HMOX2: variants seen among roughly 807,000 people sequenced by gnomAD.
HMOX2 encodes heme oxygenase (decycling) 2.
HMOX2 carries 30 observed loss-of-function variants against 33.7 expected under a neutral mutation model. The observed-to-expected ratio is 0.89, with a 90% confidence interval of 0.67 to 1.21. The LOEUF is 1.21. Ranked by LOEUF, HMOX2 falls within the 50% of genes most tolerant of loss-of-function variation. HMOX2 has a pLI of 0.00. For synonymous variants in HMOX2, 155 were observed against 155.0 expected, an observed-to-expected ratio of 1.00 and a Z score of 0.00; for missense variants, 403 against 399.1, an observed-to-expected ratio of 1.01 and a Z score of -0.08.
chr16:4,482,226 T>C (rs2058049446), intron 1 of HMOX2, among the ~76,000 whole-genome samples: 1 of 152,304 alleles, frequency 6.6e-6, no homozygotes, highest in Non-Finnish European at 1.5e-5. Context: ...AGACTTTTTG[T>C]GTTTATAAAA....
chr16:4,490,740 A>G (rs1213467314), intron 1 of HMOX2, among the ~76,000 whole-genome samples: 1 of 152,304 alleles, frequency 6.6e-6, no homozygotes, highest in South Asian at 2.1e-4. Context: ...AGAAATCTAT[A>G]TAAGGGATAT....
chr16:4,507,106 G>A (rs2058713427), intron 3 of HMOX2, 94 bp downstream of exon 3: 2 of 793,882 alleles, frequency 2.5e-6, no homozygotes, highest in East Asian at 4.9e-5. Flanking sequence ...CACTCTGAGG[G>A]AAAAGCTGGG....
intron 4 of HMOX2, among the ~76,000 whole-genome samples, 173 bp from the exon 5 acceptor site, chr16:4,509,239 A>T (rs1567405970): frequency 6.6e-6 from 1 of 152,116 alleles, no homozygotes; most frequent in Non-Finnish European, 1.5e-5. Context: ...ACGTAGGAGG[A>T]TAAGGTGGGA....
At chr16:4,509,172 G>A (rs768078961) in intron 4 of HMOX2, among the ~76,000 whole-genome samples, 8 of 152,128 alleles carry the variant, frequency 5.3e-5, no homozygotes, top group Non-Finnish European at 1.0e-4. Context: ...GGGCAACCAA[G>A]GTGAGACACC....
At chr16:4,497,243 C>T (rs1373238994) in intron 1 of HMOX2, among the ~76,000 whole-genome samples, 1 of 152,178 alleles carries the variant, frequency 6.6e-6, no homozygotes, top group African/African-American at 2.4e-5. Flanking sequence ...ACGACACCTG[C>T]TTTCAAGGTT....
In HMOX2 at chr16:4,507,968, T is replaced by C; in HGVS notation, c.460T>C (p.Tyr154His). 2.5e-6 allele frequency: 4 copies of C among 1,613,346 alleles called. No homozygotes were observed. Among genetic ancestry groups the C allele is most frequent in the South Asian group, 2.2e-5 (2 of 91,042 alleles). Residue 154 changes from tyrosine (Y) to histidine (H), a missense_variant, in exon 4 of 6, where the codon TAC (tyrosine) becomes CAC (histidine). Physicochemically the swap from Tyr to His is moderately conservative, Grantham distance 83. Coordinates refer to ENST00000570646, the MANE Select transcript of HMOX2 (RefSeq NM_002134.4). ...GCCGGAGCTACTGGTGGCCCATGCA[T>C]ACACCCGCTACATGGGGGATCTCTC... ...NEPELLVAHA[Y>H]TRYMGDLSGG...
chr16:4,477,196 C>T (rs2057879258), intron 1 of HMOX2, among the ~76,000 whole-genome samples: 1 of 152,104 alleles, frequency 6.6e-6, no homozygotes, highest in African/African-American at 2.4e-5. Flanking sequence ...CTGCCTGTGT[C>T]ATGCCATTTA....
chr16:4,508,346 G>A, intron 4 of HMOX2, 142 bp downstream of exon 4: 1 of 927,976 alleles, frequency 1.1e-6, no homozygotes, highest in Admixed American at 2.7e-5. Flanking sequence ...CCACCAGATT[G>A]GCCACCAGAG....
intron 1 of HMOX2, among the ~76,000 whole-genome samples, chr16:4,492,970 G>A (rs1040568263): frequency 6.6e-6 from 1 of 152,048 alleles, no homozygotes; most frequent in Non-Finnish European, 1.5e-5. Flanking sequence ...CCAGGAGTGG[G>A]GAGAAAAAGG....
chr16:4,479,860 T>C (rs1331731268), intron 1 of HMOX2, among the ~76,000 whole-genome samples: 1 of 149,310 alleles, frequency 6.7e-6, no homozygotes, highest in Non-Finnish European at 1.5e-5. Flanking sequence ...AGCCTCAGTC[T>C]CCTGAGTAGC....
At chr16:4,475,060 T>C, upstream of HMOX2, among the ~76,000 whole-genome samples, 1 of 152,120 alleles carries the variant, frequency 6.6e-6, no homozygotes, top group East Asian at 1.9e-4. Flanking sequence ...CAAGAGATTC[T>C]CCTGCCTCAG....
At chr16:4,474,841 T>C (rs2057770186), upstream of HMOX2, 1 of 152,256 alleles carries the variant, frequency 6.6e-6, no homozygotes, top group Non-Finnish European at 1.5e-5. Context: ...AACATCTTAA[T>C]TTTCAGGTAT....
chr16:4,477,839 T>G (rs1487125950), intron 1 of HMOX2, among the ~76,000 whole-genome samples: 1 of 152,158 alleles, frequency 6.6e-6, no homozygotes, highest in Non-Finnish European at 1.5e-5. Flanking sequence ...GAGGATCACT[T>G]GAGCCCACGA....
At chr16:4,504,968 C>T (rs1217861510) in intron 1 of HMOX2, among the ~76,000 whole-genome samples, 1 of 152,162 alleles carries the variant, frequency 6.6e-6, no homozygotes, top group Non-Finnish European at 1.5e-5. Context: ...AGCCACTGTG[C>T]CCTGCCTTGA....
At chr16:4,477,477 C>A (rs889551675) in intron 1 of HMOX2, among the ~76,000 whole-genome samples, 1 of 120,868 alleles carries the variant, frequency 8.3e-6, no homozygotes, top group African/African-American at 3.1e-5. Context: ...CCAGCCTGGG[C>A]GACAGAGCAA....
chr16:4,476,984 A>G (rs888341116), intron 1 of HMOX2, among the ~76,000 whole-genome samples: 5 of 152,146 alleles, frequency 3.3e-5, no homozygotes, highest in African/African-American at 1.2e-4. Context: ...CTCTATAGGA[A>G]GTGCCCCTTG....
intron 1 of HMOX2, among the ~76,000 whole-genome samples, chr16:4,481,083 G>A (rs982766764): frequency 2.6e-5 from 4 of 151,134 alleles, no homozygotes; most frequent in Non-Finnish European, 5.9e-5. Context: ...GCGGTGGCTC[G>A]CACCTGTAAT....
intron 1 of HMOX2, among the ~76,000 whole-genome samples, chr16:4,485,096 G>A (rs941368271): frequency 1.3e-5 from 2 of 152,058 alleles, no homozygotes; most frequent in African/African-American, 4.8e-5. Context: ...CTCCCGAGTA[G>A]CTGGGATTAC....
chr16:4,475,053 G>T (rs1040261147), upstream of HMOX2, among the ~76,000 whole-genome samples: 5 of 152,162 alleles, frequency 3.3e-5, no homozygotes, highest in Non-Finnish European at 7.4e-5. Context: ...CCGGGTTCAA[G>T]AGATTCTCCT....
Sources: allele counts gnomAD v4.1 joint callset (sites outside exome capture counted in the v4.1 genomes callset), GRCh38; gene constraint gnomAD v4.1.1; transcripts MANE v1.5; gene names NCBI Gene and HGNC (gene_info 2026-07-23, HGNC 2026-07-21).